Variants in RGS20 observed in about 807,000 individuals in gnomAD.
The protein encoded by RGS20 is regulator of G protein signaling 20, also known as gz-selective GTPase-activating protein.
In RGS20, 30 loss-of-function variants were observed where a neutral mutation model predicts 33.6. The observed-to-expected ratio is 0.89, with a 90% CI of 0.67 to 1.21. The LOEUF (loss-of-function observed/expected upper bound fraction) is 1.21. Ranked by LOEUF, RGS20 falls within the 50% of genes most tolerant of loss-of-function variation. The pLI is 0.00. For synonymous variants in RGS20, 208 were observed against 197.9 expected (o/e 1.05, Z -0.43); for missense variants, 472 against 502.4 (o/e 0.94, Z 0.58).
intron 2 of RGS20, among the ~76,000 whole-genome samples, chr8:53,881,810 C>T (rs1195371340): frequency 6.6e-6 from 1 of 151,994 alleles, no homozygotes; most frequent in Non-Finnish European, 1.5e-5. Flanking sequence ...GGAACAAACC[C>T]GGGCACTTGA....
chr8:53,944,537 CA>C (rs762040506), intron 3 of RGS20, among the ~76,000 whole-genome samples: 3,909 of 108,188 alleles, frequency 0.036, 120 homozygotes, highest in African/African-American at 0.11. Flanking sequence ...GACCCCGTCT[CA>C]AAAAAAAAAA....
intron 1 of RGS20, among the ~76,000 whole-genome samples, chr8:53,868,871 G>A (rs1248177049): frequency 6.6e-6 from 1 of 151,928 alleles, no homozygotes; most frequent in African/African-American, 2.4e-5. Context: ...TTCTGCCTCA[G>A]TCTCCCAAGT....
At chr8:53,939,833 T>C in intron 3 of RGS20, 109 bp downstream of exon 2, 1 of 1,327,856 alleles carries the variant, frequency 7.5e-7, no homozygotes, top group Admixed American at 2.9e-5. Context: ...GTTAATTCAA[T>C]AAGTGTTTTT....
chr8:53,892,069 TGTGATGTTCCCCTTCC>T (rs1812725003), intron 2 of RGS20, among the ~76,000 whole-genome samples: 1 of 151,700 alleles, frequency 6.6e-6, no homozygotes, highest in Admixed American at 6.6e-5. Context: ...GTCCCCGGAG[TGTGATGTTCCCCTTCC>T]TGTGTCCATG....
chr8:53,915,240 G>A (rs1813452526), intron 2 of RGS20, among the ~76,000 whole-genome samples: 1 of 151,950 alleles, frequency 6.6e-6, no homozygotes, highest in Non-Finnish European at 1.5e-5. Flanking sequence ...CAGAGGTTGC[G>A]CAGACCAACA....
At chr8:53,890,824 G>A (rs1280539770) in intron 2 of RGS20, among the ~76,000 whole-genome samples, 1 of 152,186 alleles carries the variant, frequency 6.6e-6, no homozygotes, top group African/African-American at 2.4e-5. Flanking sequence ...TAGAGATGGG[G>A]TCTCGCTATG....
At chr8:53,947,311 G>GTA (rs1018691875) in intron 4 of RGS20, among the ~76,000 whole-genome samples, 3 of 136,996 alleles carry the variant, frequency 2.2e-5, no homozygotes, top group African/African-American at 5.5e-5. Flanking sequence ...ATAAGATATA[G>GTA]TATATATATT....
intron 2 of RGS20, chr8:53,886,884 C>A (rs1812560772): frequency 6.6e-6 from 1 of 152,166 alleles, no homozygotes; most frequent in Non-Finnish European, 1.5e-5. Context: ...AATTATGTAA[C>A]CTACTCCTTA....
chr8:53,929,341 T>C (rs1813890113), intron 2 of RGS20, among the ~76,000 whole-genome samples: 1 of 152,180 alleles, frequency 6.6e-6, no homozygotes, highest in Non-Finnish European at 1.5e-5. Context: ...TTTTTAAAAA[T>C]GTATACAATT....
At chr8:53,937,576 TATC>T in intron 2 of RGS20, among the ~76,000 whole-genome samples, 1 of 152,182 alleles carries the variant, frequency 6.6e-6, no homozygotes, top group South Asian at 2.1e-4. Flanking sequence ...CAAAAGAAAC[TATC>T]ATCAGAGTGA....
At chr8:53,949,432 G>A (rs1031463093) in intron 4 of RGS20, among the ~76,000 whole-genome samples, 10 of 151,366 alleles carry the variant, frequency 6.6e-5, no homozygotes, top group African/African-American at 1.2e-4. Flanking sequence ...TATAATATAC[G>A]GTGGGTGGGC....
At chr8:53,907,302 C>T (rs1813207617) in intron 2 of RGS20, among the ~76,000 whole-genome samples, 1 of 151,978 alleles carries the variant, frequency 6.6e-6, no homozygotes, top group Admixed American at 6.6e-5. Context: ...TTTAAAGAAT[C>T]TTGGCTGGGC....
At chr8:53,866,155 CA>C in intron 1 of RGS20, among the ~76,000 whole-genome samples, 1 of 152,118 alleles carries the variant, frequency 6.6e-6, no homozygotes, top group Admixed American at 6.5e-5. Context: ...GCAGCTGACA[CA>C]AAGTCCCAGG....
At chr8:53,888,157 C>T (rs949524663) in intron 2 of RGS20, among the ~76,000 whole-genome samples, 1 of 152,070 alleles carries the variant, frequency 6.6e-6, no homozygotes, top group Non-Finnish European at 1.5e-5. Context: ...ATAGATATTT[C>T]TTTGCATTTA....
intron 4 of RGS20, 127 bp downstream of exon 3, chr8:53,946,875 T>C: frequency 1.4e-6 from 1 of 692,932 alleles, no homozygotes; most frequent in Non-Finnish European, 2.3e-6. Context: ...ATCCAATCAT[T>C]ATGTGGCCTC....
At chr8:53,948,689 C>T (rs369871549) in intron 4 of RGS20, among the ~76,000 whole-genome samples, 3 of 121,502 alleles carry the variant, frequency 2.5e-5, no homozygotes, top group East Asian at 2.4e-4. Flanking sequence ...AGATACAGTA[C>T]ATATTTACAT....
At chr8:53,866,204 AC>A (rs1811914545) in intron 1 of RGS20, among the ~76,000 whole-genome samples, 1 of 152,180 alleles carries the variant, frequency 6.6e-6, no homozygotes, top group Admixed American at 6.5e-5. Flanking sequence ...AACGGAAGGA[AC>A]ATGAATGTAT....
chr8:53,943,423 G>GT (rs1814366286), intron 3 of RGS20, among the ~76,000 whole-genome samples: 1 of 152,044 alleles, frequency 6.6e-6, no homozygotes, highest in African/African-American at 2.4e-5. Context: ...TGAATATAAA[G>GT]TTTTTTTCCT....
At chr8:53,945,924 C>A (rs913676326) in intron 3 of RGS20, among the ~76,000 whole-genome samples, 1 of 151,464 alleles carries the variant, frequency 6.6e-6, no homozygotes, top group African/African-American at 2.4e-5. Context: ...ACAACAATAA[C>A]CAGTTACAAG....
Sources: allele counts gnomAD v4.1 joint callset (sites outside exome capture counted in the v4.1 genomes callset), GRCh38; gene constraint gnomAD v4.1.1; transcripts MANE v1.5; gene names NCBI Gene and HGNC (gene_info 2026-07-23, HGNC 2026-07-21).